Variants in BCAS3 observed in about 807,000 individuals in gnomAD.
BCAS3 encodes the protein BCAS3 microtubule associated cell migration factor.
BCAS3 carries 53 observed loss-of-function variants against 116.1 expected under a neutral mutation model. The ratio of observed to expected loss-of-function variants is 0.46; its 90% CI spans 0.37 to 0.57. BCAS3 has a LOEUF of 0.57. Among genes scored for constraint, BCAS3 ranks in the 20% least tolerant of loss-of-function variants. The pLI is 0.00. For missense variants in BCAS3, 917 were observed against 1,165.4 expected (o/e 0.79, Z 3.10); for synonymous variants, 391 against 408.2 (o/e 0.96, Z 0.51).
chr17:61,211,441 T>C lies in BCAS3; in HGVS notation c.2425+126877T>C, dbSNP rs1435648696. Among the ~76,000 whole-genome samples, 1 of 152,206 alleles carries C rather than the reference T, an allele frequency of 6.6e-6. No homozygotes were observed. Among genetic ancestry groups the C allele is most frequent in the Non-Finnish European group, 1.5e-5 (1 of 68,042 alleles). ...TTTCCCAGCTGCCCAATTTGAGCCCTTTTGAGTTGACCTCCCTTGGATGAG... is the reference window on the plus strand; with the variant it reads ...TTTCCCAGCTGCCCAATTTGAGCCCCTTTGAGTTGACCTCCCTTGGATGAG... On this transcript the variant is annotated intron_variant, in intron 22 of 23. Transcript: ENST00000407086. The surrounding 1 kb of genome is among the most constrained non-coding windows in gnomAD (Gnocchi z 4.4).
At chr17:60,946,934 T>G (rs1368503848) in intron 13 of BCAS3, among the ~76,000 whole-genome samples, 1 of 152,158 alleles carries the variant, frequency 6.6e-6, no homozygotes, top group East Asian at 1.9e-4. Flanking sequence ...AATAAAATTA[T>G]GAATTCTGTA....
At position 61,368,789 on chromosome 17, in the gene BCAS3, G is replaced by A. The variant is rs183964880; in HGVS notation, c.2593+295G>A. Among the ~76,000 whole-genome samples the A allele has an allele frequency of 2.0e-5, 3 of 152,294 alleles. No individual in the cohort carries two copies. Among genetic ancestry groups the A allele is most frequent in the Non-Finnish European group, 4.4e-5 (3 of 68,030 alleles). ...TTTCCTCCTTTGGGGGTGTCCCCACGTCTTCCAGCAGCGCTCAGGCACTGA... is the reference window on the plus strand; with the variant it reads ...TTTCCTCCTTTGGGGGTGTCCCCACATCTTCCAGCAGCGCTCAGGCACTGA... On this transcript the variant is annotated intron_variant, in intron 23 of 23. Coordinates refer to ENST00000407086, the MANE Select transcript of BCAS3 (RefSeq NM_017679.5). The surrounding 1 kb of genome is among the most constrained non-coding windows in gnomAD (Gnocchi z 6.0).
At chr17:60,743,632 A>G (rs1229592254) in intron 5 of BCAS3, among the ~76,000 whole-genome samples, 1 of 151,934 alleles carries the variant, frequency 6.6e-6, no homozygotes, top group Non-Finnish European at 1.5e-5. Flanking sequence ...CAGTATTTTT[A>G]TTGTCTTTTG....
chr17:61,014,810 C>T (rs1284481705), intron 15 of BCAS3, among the ~76,000 whole-genome samples: 1 of 151,938 alleles, frequency 6.6e-6, no homozygotes, highest in Non-Finnish European at 1.5e-5. Flanking sequence ...GATCAATGTA[C>T]AAAAGTTACC....
rs1286408231 is a variant in BCAS3, at chr17:61,305,853, G to A, written c.2426-62474G>A. Reference sequence around the variant, plus strand: ...GGAGGATGCAGTGAGCTGAGATCATGCCACTGCACTCCAGCCTGGGCAACA... The same window carrying A: ...GGAGGATGCAGTGAGCTGAGATCATACCACTGCACTCCAGCCTGGGCAACA... On this transcript the variant is annotated intron_variant, in intron 22 of 23. Transcript: ENST00000407086. Among the ~76,000 whole-genome samples, 4 of 152,196 alleles carry A rather than the reference G, an allele frequency of 2.6e-5. No homozygotes were observed. The East Asian group carries it at 5.8e-4, about 22-fold the overall frequency.
chr17:61,342,751 C>CTTT (rs113701578), intron 22 of BCAS3, among the ~76,000 whole-genome samples: 5 of 137,050 alleles, frequency 3.6e-5, no homozygotes, highest in South Asian at 2.4e-4. Context: ...ATTTTCTTTT[C>CTTT]TTTTTTTTTT....
chr17:61,318,179 G>A (rs2054904218), intron 22 of BCAS3, among the ~76,000 whole-genome samples: 1 of 152,252 alleles, frequency 6.6e-6, no homozygotes, highest in South Asian at 2.1e-4. Flanking sequence ...ACCAAAAAAG[G>A]ATGGCTAGGA....
chr17:60,850,924 C>T (rs2053086751), intron 7 of BCAS3, among the ~76,000 whole-genome samples: 1 of 152,120 alleles, frequency 6.6e-6, no homozygotes, highest in African/African-American at 2.4e-5. Context: ...TATAAAAATA[C>T]AAGCAAGTTA....
chr17:61,250,004 G>A (rs765567368), intron 22 of BCAS3, among the ~76,000 whole-genome samples: 1 of 152,000 alleles, frequency 6.6e-6, no homozygotes, highest in Admixed American at 6.5e-5. Context: ...CCAAATAAGA[G>A]CAGCCATTGT....
At chr17:61,035,687 T>C (rs533970940) in intron 17 of BCAS3, among the ~76,000 whole-genome samples, 1 of 152,138 alleles carries the variant, frequency 6.6e-6, no homozygotes, top group Non-Finnish European at 1.5e-5. Context: ...TAGTCTCTCC[T>C]TATCTGTGGA....
intron 7 of BCAS3, among the ~76,000 whole-genome samples, chr17:60,856,758 T>C (rs2144833190): frequency 6.6e-6 from 1 of 152,336 alleles, no homozygotes; most frequent in African/African-American, 2.4e-5. Context: ...TTGATTTTTG[T>C]CTTCTATATT....
At position 61,233,035 on chromosome 17, in the gene BCAS3, G is replaced by C; in HGVS notation, c.2426-135292G>C. On this transcript the variant is annotated intron_variant, in intron 22 of 23. Transcript: ENST00000407086. This position sits in a 1 kb window ranked among gnomAD's most constrained non-coding sequence, Gnocchi z 4.3. ...TGGGCCTCCATGAAGTCATTCCTTTGCAGTGATCTGTAGCTAGACTGCGCT... is the reference window on the plus strand; with the variant it reads ...TGGGCCTCCATGAAGTCATTCCTTTCCAGTGATCTGTAGCTAGACTGCGCT... Among the ~76,000 whole-genome samples the C allele has an allele frequency of 6.6e-6, 1 of 152,174 alleles. No homozygotes were observed. Among genetic ancestry groups the C allele is most frequent in the Non-Finnish European group, 1.5e-5 (1 of 68,038 alleles).
intron 6 of BCAS3, among the ~76,000 whole-genome samples, chr17:60,767,047 T>TGCAACTGCAACTGC (rs2044174088): frequency 6.6e-6 from 1 of 152,230 alleles, no homozygotes; most frequent in Admixed American, 6.5e-5. Context: ...TTGCTAAGAC[T>TGCAACTGCAACTGC]GTTGGAAAAG....
intron 23 of BCAS3, among the ~76,000 whole-genome samples, chr17:61,371,582 C>T (rs1339857438): frequency 1.3e-5 from 2 of 152,018 alleles, no homozygotes; most frequent in East Asian, 3.9e-4. Context: ...GAAGTGTTCT[C>T]GACACAAAAA....
Position 61,367,727 on chromosome 17 carries a change from A to G in BCAS3, c.2426-600A>G, listed in dbSNP as rs1036483332. The G allele has an allele frequency of 1.3e-5, 2 of 152,232 alleles. No individual in the cohort carries two copies. Among genetic ancestry groups the G allele is most frequent in the African/African-American group, 2.4e-5 (1 of 41,460 alleles). 9.4% of individuals were successfully genotyped at this position (152,232 alleles called of 1,614,324 possible). On this transcript the variant is annotated intron_variant, in intron 22 of 23. Transcript: ENST00000407086. The surrounding 1 kb of genome is among the most constrained non-coding windows in gnomAD (Gnocchi z 6.2). Reference sequence around the variant, plus strand: ...CAACTATAAAATGAGGAAGTTGGTTATAGGTTATAGAATATAATGGTTAAG... The same window carrying G: ...CAACTATAAAATGAGGAAGTTGGTTGTAGGTTATAGAATATAATGGTTAAG...
intron 22 of BCAS3, among the ~76,000 whole-genome samples, chr17:61,252,387 G>GC (rs1240404656): frequency 1.3e-5 from 2 of 152,060 alleles, no homozygotes; most frequent in Non-Finnish European, 2.9e-5. Flanking sequence ...CCCTTGTTCA[G>GC]CCCCCCCAGT....
rs1334206979 is a variant in BCAS3, at chr17:61,239,986, G to A, written c.2426-128341G>A. 6.6e-6 allele frequency among the ~76,000 whole-genome samples: 1 copy of A among 152,192 alleles called. No homozygotes were observed. The highest frequency in any genetic ancestry group is 1.5e-5 in the Non-Finnish European group (1 of 68,032). On this transcript the variant is annotated intron_variant, in intron 22 of 23. Coordinates refer to ENST00000407086, the MANE Select transcript of BCAS3 (RefSeq NM_017679.5). The surrounding 1 kb of genome is among the most constrained non-coding windows in gnomAD (Gnocchi z 4.2). The stretch of plus-strand genomic sequence containing the variant: ...CTGCACTTGAATGTTAAATATATGT[G>A]TGATAAAAATATTTTGATTGGGGTT...
chr17:61,085,054 A>G (rs1568319442), intron 22 of BCAS3, among the ~76,000 whole-genome samples: 1 of 152,212 alleles, frequency 6.6e-6, no homozygotes, highest in African/African-American at 2.4e-5. Flanking sequence ...CACAGTTATT[A>G]ATTTCCTATC....
At chr17:61,273,368 A>G (rs1170433399) in intron 22 of BCAS3, among the ~76,000 whole-genome samples, 1 of 152,128 alleles carries the variant, frequency 6.6e-6, no homozygotes, top group African/African-American at 2.4e-5. Context: ...ATAATGCTGC[A>G]TTTAAAAAAT....
Sources: gnomAD v4.1 joint callset for allele counts (sites outside exome capture counted in the v4.1 genomes callset) on GRCh38, gnomAD v4.1.1 for gene constraint, Gnocchi (gnomAD v3.1) non-coding constraint, MANE v1.5 for transcripts, NCBI Gene and HGNC (gene_info 2026-07-23, HGNC 2026-07-21) for gene names.